The following VPS35L variants were observed in gnomAD, a reference collection of about 807,000 sequenced individuals.
VPS35L encodes the protein VPS35 endosomal protein-sorting factor-like.
Under a neutral mutation model 133.0 loss-of-function variants are expected in VPS35L, and 83 were observed. That is an observed-to-expected ratio of 0.62 (90% CI 0.52 to 0.75). The LOEUF (loss-of-function observed/expected upper bound fraction) is 0.75. Among genes scored for constraint, VPS35L ranks in the 30% least tolerant of loss-of-function variants. The pLI is 0.00. For missense variants in VPS35L, 1,083 were observed against 1,206.8 expected, an observed-to-expected ratio of 0.90 and a Z score of 1.52; for synonymous variants, 423 against 449.9, an observed-to-expected ratio of 0.94 and a Z score of 0.76.
rs749541784 is a variant in VPS35L at position 19,575,101 on chromosome 16, CTGTT to C, written c.414_417del (p.Phe139TrpfsTer38). 1 of 1,604,650 alleles carries C rather than the reference CTGTT, an allele frequency of 6.2e-7. No individual in the cohort carries two copies. The highest frequency in any genetic ancestry group is 1.1e-5 in the South Asian group (1 of 89,410). ...AATGAATTTTATGTCTCTGCAGAAT[CTGTT>C]TATGGGATCTGAAAAAGGTAAGATG... On this transcript the variant is annotated frameshift_variant, in exon 5 of 31. Coordinates refer to ENST00000417362, the MANE Select transcript of VPS35L (RefSeq NM_020314.7). LOFTEE classifies it high-confidence loss of function.
At chr16:19,693,701 T>C (rs1222224857) in intron 29 of VPS35L, among the ~76,000 whole-genome samples, 4 of 151,588 alleles carry the variant, frequency 2.6e-5, no homozygotes, top group Non-Finnish European at 4.4e-5. Flanking sequence ...GAAGAATCGC[T>C]TAAACCCGGG....
chr16:19,640,887 C>T (rs1480741953), intron 21 of VPS35L, among the ~76,000 whole-genome samples: 4 of 151,968 alleles, frequency 2.6e-5, no homozygotes, highest in Non-Finnish European at 5.9e-5. Context: ...GCTGGGACTA[C>T]AGGTGTGCCC....
intron 13 of VPS35L, 117 bp from the exon 14 acceptor site, chr16:19,616,569 A>G (rs942636567): frequency 2.0e-5 from 25 of 1,275,842 alleles, no homozygotes; most frequent in Non-Finnish European, 2.2e-5. Context: ...AAACCAGGCT[A>G]TTTCTCTCAG....
chr16:19,620,327 C>T (rs1165929664), intron 14 of VPS35L, among the ~76,000 whole-genome samples: 4 of 152,158 alleles, frequency 2.6e-5, no homozygotes, highest in African/African-American at 9.7e-5. Context: ...GACACAAAGA[C>T]ATGCTCTTTT....
intron 27 of VPS35L, among the ~76,000 whole-genome samples, chr16:19,675,544 T>C (rs1225286507): frequency 2.0e-5 from 3 of 152,016 alleles, no homozygotes; most frequent in African/African-American, 7.2e-5. Context: ...TTTAGGAAAC[T>C]CCATACTGTT....
chr16:19,592,009 T>TC (rs1215977900), intron 8 of VPS35L, 135 bp downstream of exon 8: 34 of 646,222 alleles, frequency 5.3e-5, no homozygotes, highest in Non-Finnish European at 6.0e-5. Context: ...ATCAAACCGT[T>TC]CCCCCCCACG....
chr16:19,661,902 AT>A (rs1465886124), intron 26 of VPS35L, among the ~76,000 whole-genome samples: 1 of 152,164 alleles, frequency 6.6e-6, no homozygotes, highest in Non-Finnish European at 1.5e-5. Flanking sequence ...GTTTTGCCAT[AT>A]TTCTGTTTTA....
In VPS35L at chr16:19,629,823, A is replaced by G. The variant is rs1426727870; in HGVS notation, c.1554+3A>G. 1.2e-6 allele frequency: 2 copies of G among 1,612,886 alleles called. No individual in the cohort carries two copies. The highest frequency in any genetic ancestry group is 1.3e-5 in the African/African-American group (1 of 75,040). On this transcript the variant is annotated splice_donor_region_variant and intron_variant, in intron 18 of 30. Transcript: ENST00000417362. ...AATACACCTGCAAGCATTTCACGGT[A>G]TGTGTGACTGTGGTATTGTTTTTGA...
At chr16:19,629,703 C>T (rs1973382597) in intron 17 of VPS35L, 64 bp from the exon 18 acceptor site, 2 of 1,449,984 alleles carry the variant, frequency 1.4e-6, no homozygotes, top group East Asian at 2.3e-5. Flanking sequence ...GCTGAAGCCT[C>T]CTGTTTGCTG....
rs9937040 is a variant in VPS35L, at chr16:19,629,604, G to C, written c.1501-163G>C. ...CGTAAGATTTAGGCTTGAAAATATC[G>C]TTAGTAGGATATTCCTAAATAAAAG... On this transcript the variant is annotated intron_variant, in intron 17 of 30. Coordinates refer to ENST00000417362, the MANE Select transcript of VPS35L (RefSeq NM_020314.7). Among the ~76,000 whole-genome samples the C allele has an allele frequency of 2.6e-5, 4 of 152,190 alleles. No homozygotes were observed. In the South Asian group the frequency reaches 6.2e-4, roughly 24 times the overall value.
intron 7 of VPS35L, among the ~76,000 whole-genome samples, chr16:19,583,114 A>G (rs943115004): frequency 2.6e-5 from 4 of 151,600 alleles, no homozygotes; most frequent in Non-Finnish European, 5.9e-5. Context: ...CATATCATAA[A>G]GTCCACCCAT....
intron 2 of VPS35L, 94 bp downstream of exon 2, chr16:19,565,044 C>T (rs1183059633): frequency 6.3e-6 from 6 of 945,424 alleles, no homozygotes; most frequent in Non-Finnish European, 9.6e-6. Flanking sequence ...CAGTGGTAGC[C>T]ACTTTTGCAT....
At chr16:19,614,329 G>A (rs948798095) in intron 12 of VPS35L, among the ~76,000 whole-genome samples, 2 of 152,150 alleles carry the variant, frequency 1.3e-5, no homozygotes, top group Non-Finnish European at 2.9e-5. Flanking sequence ...ACACCCTGGT[G>A]GTTCTCAAAT....
chr16:19,598,914 A>G (rs1972296398), intron 8 of VPS35L, among the ~76,000 whole-genome samples: 1 of 152,172 alleles, frequency 6.6e-6, no homozygotes, highest in African/African-American at 2.4e-5. Flanking sequence ...TCTGTGCACC[A>G]TGGGAGGTGA....
chr16:19,600,596 G>A (rs1972352456), intron 8 of VPS35L, among the ~76,000 whole-genome samples: 1 of 152,140 alleles, frequency 6.6e-6, no homozygotes, highest in Non-Finnish European at 1.5e-5. Flanking sequence ...AGTACCCCCT[G>A]TGTGCCAGGC....
intron 12 of VPS35L, 26 bp downstream of exon 12, chr16:19,610,441 G>A (rs1271930137): frequency 1.3e-6 from 2 of 1,588,248 alleles, no homozygotes; most frequent in Admixed American, 3.4e-5. Context: ...CACTGCCCTT[G>A]ACGGCACGGC....
chr16:19,577,776 AC>A (rs1971581829), intron 5 of VPS35L, among the ~76,000 whole-genome samples: 1 of 151,574 alleles, frequency 6.6e-6, no homozygotes, highest in South Asian at 2.1e-4. Flanking sequence ...GTCCAAGGGC[AC>A]TCCCCTCACC....
intron 9 of VPS35L, 96 bp from the exon 10 acceptor site, chr16:19,608,082 C>G: frequency 2.4e-6 from 2 of 844,432 alleles, no homozygotes; most frequent in Non-Finnish European, 4.0e-6. Context: ...GCTGAGTCAC[C>G]CCCTTTTCTG....
chr16:19,651,718 A>G (rs969251280), intron 25 of VPS35L, among the ~76,000 whole-genome samples: 4 of 151,968 alleles, frequency 2.6e-5, no homozygotes, highest in Admixed American at 6.5e-5. Flanking sequence ...CAATTTATCA[A>G]TGTTAGGTGT....
Sources: gnomAD v4.1 joint callset for allele counts (sites outside exome capture counted in the v4.1 genomes callset) on GRCh38, gnomAD v4.1.1 for gene constraint, MANE v1.5 for transcripts, NCBI Gene and HGNC (gene_info 2026-07-23, HGNC 2026-07-21) for gene names.